The following HSD17B4 variants were observed in gnomAD, a reference collection of about 807,000 sequenced individuals.
HSD17B4 encodes peroxisomal multifunctional enzyme type 2.
A neutral mutation model predicts 101.0 loss-of-function variants in HSD17B4; 70 were observed. The ratio of observed to expected loss-of-function variants is 0.69; its 90% CI spans 0.57 to 0.85. The LOEUF is 0.85. Ranked by LOEUF, HSD17B4 falls within the 40% of genes least tolerant of loss-of-function variation. The probability of loss-of-function intolerance (pLI) is 0.00; values close to 1 mark genes in which losing one functional copy is unlikely to be tolerated. For missense variants in HSD17B4, 984 were observed against 892.4 expected, an observed-to-expected ratio of 1.10 and a Z score of -1.31; for synonymous variants, 347 against 297.1, an observed-to-expected ratio of 1.17 and a Z score of -1.73.
chr5:119,461,281 A>G (rs942645709), intron 2 of HSD17B4, among the ~76,000 whole-genome samples: 1 of 152,218 alleles, frequency 6.6e-6, no homozygotes, highest in East Asian at 1.9e-4. Context: ...TATCCCAAAT[A>G]AAATGTGAAC....
chr5:119,506,817 G>C lies in HSD17B4; in HGVS notation c.1262-1G>C. ...TGTATTTCTTTTACTTTTCTTTCTA[G>C]GAAAATTAAAATGTGAAGCAGTTGT... On this transcript the variant is annotated splice_acceptor_variant, in intron 14 of 23. Coordinates refer to ENST00000510025, the MANE Select transcript of HSD17B4 (RefSeq NM_000414.4). LOFTEE classifies it high-confidence loss of function. 6.4e-7 allele frequency: 1 copy of C among 1,551,864 alleles called. No individual in the cohort carries two copies. Among genetic ancestry groups the C allele is most frequent in the Non-Finnish European group, 8.9e-7 (1 of 1,124,926 alleles).
intron 14 of HSD17B4, among the ~76,000 whole-genome samples, chr5:119,505,954 C>T (rs1045305189): frequency 6.6e-6 from 1 of 152,002 alleles, no homozygotes; most frequent in African/African-American, 2.4e-5. Context: ...TGAAATTTAG[C>T]GATTCCGGTA....
At chr5:119,484,976 TATG>T (rs1749483918) in intron 8 of HSD17B4, among the ~76,000 whole-genome samples, 1 of 152,212 alleles carries the variant, frequency 6.6e-6, no homozygotes, top group African/African-American at 2.4e-5. Flanking sequence ...TTGTTTCAAG[TATG>T]ATACTATATA....
At chr5:119,498,531 G>C (rs1750856258) in intron 12 of HSD17B4, among the ~76,000 whole-genome samples, 1 of 152,162 alleles carries the variant, frequency 6.6e-6, no homozygotes, top group Non-Finnish European at 1.5e-5. Flanking sequence ...ACAACATCCA[G>C]TTAGACAAAG....
chr5:119,515,599 C>T (rs934563594), intron 17 of HSD17B4, among the ~76,000 whole-genome samples: 2 of 152,144 alleles, frequency 1.3e-5, no homozygotes, highest in Non-Finnish European at 2.9e-5. Flanking sequence ...TGTCAGTTCA[C>T]AAATTCTGTG....
At chr5:119,474,350 C>A (rs183339653) in intron 3 of HSD17B4, 51 bp from the exon 4 acceptor site, 2 of 1,122,152 alleles carry the variant, frequency 1.8e-6, no homozygotes, top group South Asian at 2.5e-5. Flanking sequence ...ATTTAGAAGT[C>A]CTTTGGAAGG....
rs536755386 is a variant in HSD17B4 at position 119,518,386 on chromosome 5, G to GT, written c.1503+3341dup. On this transcript the variant is annotated intron_variant, in intron 17 of 23. Coordinates refer to ENST00000510025, the MANE Select transcript of HSD17B4 (RefSeq NM_000414.4). Reference sequence around the variant, plus strand: ...CTCCAGACGTGCCACCTTAAGAGCTGTAACACTCACTGTGAGGGTCCGCGG... The same window carrying GT: ...CTCCAGACGTGCCACCTTAAGAGCTGTTAACACTCACTGTGAGGGTCCGCGG... Among the ~76,000 whole-genome samples, 19 of 152,288 alleles carry GT rather than the reference G, an allele frequency of 1.2e-4. No individual in the cohort carries two copies. The South Asian group carries it at 3.3e-3, about 27-fold the overall frequency.
At chr5:119,464,396 T>C (rs1312546903) in intron 2 of HSD17B4, among the ~76,000 whole-genome samples, 1 of 152,208 alleles carries the variant, frequency 6.6e-6, no homozygotes, top group African/African-American at 2.4e-5. Context: ...ATTTTCATTC[T>C]TTTGCATATG....
At chr5:119,464,138 G>A (rs780283830) in intron 2 of HSD17B4, among the ~76,000 whole-genome samples, 1 of 152,072 alleles carries the variant, frequency 6.6e-6, no homozygotes, top group Non-Finnish European at 1.5e-5. Context: ...CATTCTGCAA[G>A]TTGTCTCTTC....
At chr5:119,517,965 T>G (rs1431384749) in intron 17 of HSD17B4, among the ~76,000 whole-genome samples, 1 of 152,146 alleles carries the variant, frequency 6.6e-6, no homozygotes, top group Non-Finnish European at 1.5e-5. Context: ...AACCTTTATG[T>G]CTAGCTCAGG....
intron 23 of HSD17B4, among the ~76,000 whole-genome samples, chr5:119,537,234 A>AT (rs975323095): frequency 1.2e-4 from 19 of 152,126 alleles, no homozygotes; most frequent in African/African-American, 4.6e-4. Flanking sequence ...GAAATATATG[A>AT]TTTTCCTGTA....
intron 16 of HSD17B4, among the ~76,000 whole-genome samples, chr5:119,509,670 C>A (rs1751993289): frequency 6.6e-6 from 1 of 152,112 alleles, no homozygotes; most frequent in South Asian, 2.1e-4. Flanking sequence ...TCCATTATGT[C>A]CCCAGGCTTG....
At chr5:119,499,076 G>A (rs541944726) in intron 12 of HSD17B4, among the ~76,000 whole-genome samples, 1 of 152,176 alleles carries the variant, frequency 6.6e-6, no homozygotes, top group African/African-American at 2.4e-5. Flanking sequence ...TGAGTATGAG[G>A]CATACTGTCT....
intron 20 of HSD17B4, among the ~76,000 whole-genome samples, chr5:119,529,440 T>C (rs1753866492): frequency 6.6e-6 from 1 of 152,192 alleles, no homozygotes; most frequent in African/African-American, 2.4e-5. Context: ...GCAGAACAAA[T>C]GTACTTTGAG....
chr5:119,486,577 A>G (rs1288738600), intron 8 of HSD17B4, among the ~76,000 whole-genome samples: 1 of 152,096 alleles, frequency 6.6e-6, no homozygotes, highest in Non-Finnish European at 1.5e-5. Context: ...GGGGAATTGT[A>G]CTTTGTCTTT....
chr5:119,499,870 C>A lies in HSD17B4; in HGVS notation c.1209+317C>A, dbSNP rs1441634573. On this transcript the variant is annotated intron_variant, in intron 13 of 23. Transcript: ENST00000510025. Reference sequence around the variant, plus strand: ...CATCTCTAGGCTTCAGTTTCCTTATCTATAAAATGGATATGATAATCCTCA... The same window carrying A: ...CATCTCTAGGCTTCAGTTTCCTTATATATAAAATGGATATGATAATCCTCA... Among the ~76,000 whole-genome samples, 17 of 152,216 alleles carry A rather than the reference C, an allele frequency of 1.1e-4. No homozygotes were observed. The East Asian group carries it at 2.7e-3, about 24-fold the overall frequency.
rs750702738 is a variant in HSD17B4 at position 119,529,996 on chromosome 5, T to G, written c.1854+16T>G. 1 of 1,479,178 alleles carries G rather than the reference T, an allele frequency of 6.8e-7. No homozygotes were observed. Among genetic ancestry groups the G allele is most frequent in the Non-Finnish European group, 9.5e-7 (1 of 1,057,716 alleles). 91.6% of individuals were successfully genotyped at this position (1,479,178 alleles called of 1,614,324 possible). On this transcript the variant is annotated intron_variant, in intron 21 of 23. Coordinates refer to ENST00000510025, the MANE Select transcript of HSD17B4 (RefSeq NM_000414.4). Reference sequence around the variant, plus strand: ...ACCCTCTGAGGTAGGTTATAAAAATTAGTATCCAAGCCACTTCCTCATTTA... The same window carrying G: ...ACCCTCTGAGGTAGGTTATAAAAATGAGTATCCAAGCCACTTCCTCATTTA...
At chr5:119,469,083 T>C (rs1018912483) in intron 2 of HSD17B4, among the ~76,000 whole-genome samples, 1 of 151,934 alleles carries the variant, frequency 6.6e-6, no homozygotes, top group African/African-American at 2.4e-5. Context: ...TTTAATGATA[T>C]ATATATCTTT....
intron 17 of HSD17B4, among the ~76,000 whole-genome samples, chr5:119,519,149 A>G (rs914619207): frequency 2.0e-5 from 3 of 152,156 alleles, no homozygotes; most frequent in Admixed American, 6.5e-5. Context: ...AAACAAAACA[A>G]AACAAAACAA....
Sources: gnomAD v4.1 joint callset for allele counts (sites outside exome capture counted in the v4.1 genomes callset) on GRCh38, gnomAD v4.1.1 for gene constraint, MANE v1.5 for transcripts, NCBI Gene and HGNC (gene_info 2026-07-23, HGNC 2026-07-21) for gene names.